The following PCDHA9 variants were observed in gnomAD, a reference collection of about 807,000 sequenced individuals.
The protein encoded by PCDHA9 is protocadherin alpha-9.
In PCDHA9, 62 loss-of-function variants were observed where a neutral mutation model predicts 62.0. The ratio of observed to expected loss-of-function variants is 1.00; its 90% CI spans 0.81 to 1.23. The LOEUF (loss-of-function observed/expected upper bound fraction) is 1.23. Among genes scored for constraint, PCDHA9 ranks in the 50% most tolerant of loss-of-function variants. The pLI is 0.00. For synonymous variants in PCDHA9, 557 were observed against 567.6 expected (o/e 0.98, Z 0.27); for missense variants, 1,205 against 1,249.8 (o/e 0.96, Z 0.54).
intron 1 of PCDHA9, chr5:140,876,689 C>A (rs2056506979): frequency 1.2e-6 from 2 of 1,614,228 alleles, no homozygotes; most frequent in Non-Finnish European, 1.7e-6. Context: ...AATTACTACT[C>A]GTTGGTGCTG....
chr5:140,907,360 T>C (rs1241355980), intron 1 of PCDHA9, among the ~76,000 whole-genome samples: 1 of 152,186 alleles, frequency 6.6e-6, no homozygotes, highest in Admixed American at 6.5e-5. Flanking sequence ...TGCACTTCTT[T>C]AGTCGTAAAG....
intron 1 of PCDHA9, among the ~76,000 whole-genome samples, chr5:140,884,876 C>A (rs1554181909): frequency 6.6e-6 from 1 of 152,096 alleles, no homozygotes; most frequent in African/African-American, 2.4e-5. Context: ...ATGAAATGTG[C>A]AAAACAAGAA....
intron 1 of PCDHA9, chr5:140,860,673 C>A (rs955931174): frequency 1.2e-4 from 18 of 152,210 alleles, no homozygotes; most frequent in African/African-American, 4.3e-4. Context: ...AAATCAAATG[C>A]ACTTATGTTT....
At position 140,858,115 on chromosome 5, in the gene PCDHA9, G is replaced by A. The variant is rs371261838; in HGVS notation, c.2394+7226G>A. 5.0e-6 allele frequency: 8 copies of A among 1,597,696 alleles called. 1 individual carries two copies. Among genetic ancestry groups the A allele is most frequent in the Non-Finnish European group, 6.9e-6 (8 of 1,167,654 alleles). ...CTTCAGTGGGCGTGGCGCCCGAGGT[G>A]GCCCTGGTGGATGTCAACGTGTACC... On this transcript the variant is annotated intron_variant, in intron 1 of 3. Transcript: ENST00000532602.
chr5:141,000,737 G>A (rs1449947824), intron 3 of PCDHA9, among the ~76,000 whole-genome samples: 21 of 149,738 alleles, frequency 1.4e-4, no homozygotes, highest in African/African-American at 5.0e-4. Context: ...CCCTATCTCT[G>A]TATATTAAAA....
chr5:141,009,701 C>G lies in PCDHA9; in HGVS notation c.2617C>G (p.Pro873Ala). The G allele has an allele frequency of 6.2e-7, 1 of 1,614,036 alleles. No homozygotes were observed. Among genetic ancestry groups the G allele is most frequent in the South Asian group, 1.1e-5 (1 of 91,056 alleles). The change falls in exon 4 of 4, where the codon CCA (proline) becomes GCA (alanine). Residue 873 changes from proline to alanine, a missense_variant. Coordinates refer to ENST00000532602, the MANE Select transcript of PCDHA9 (RefSeq NM_031857.2). ...NSNSWTFKYG[P>A]GNPKQSGPGE... ...CAACAGCTGGACCTTTAAATACGGA[C>G]CAGGCAACCCCAAACAATCCGGTCC...
intron 1 of PCDHA9, chr5:140,877,485 G>A (rs1554169791): frequency 6.2e-7 from 1 of 1,613,882 alleles, no homozygotes; most frequent in Admixed American, 1.7e-5. Flanking sequence ...CGCTGGTGGA[G>A]AACGGCCAGG....
intron 1 of PCDHA9, among the ~76,000 whole-genome samples, chr5:140,914,575 A>G (rs2076765762): frequency 2.0e-5 from 3 of 152,018 alleles, no homozygotes; most frequent in African/African-American, 7.2e-5. Context: ...TTTACATTCA[A>G]TAATTTCATT....
chr5:141,003,574 A>C (rs559561339), intron 3 of PCDHA9, among the ~76,000 whole-genome samples: 9 of 151,680 alleles, frequency 5.9e-5, no homozygotes, highest in African/African-American at 2.2e-4. Context: ...CAGACTCCCA[A>C]AGTGCTGGGA....
intron 1 of PCDHA9, chr5:140,859,449 A>T (rs1319113076): frequency 4.5e-6 from 1 of 222,150 alleles, no homozygotes; most frequent in Non-Finnish European, 8.6e-6. Context: ...TTAGTTGCAG[A>T]GTGACAAAAC....
intron 1 of PCDHA9, among the ~76,000 whole-genome samples, chr5:140,932,779 G>T (rs556279743): frequency 3.9e-5 from 6 of 151,910 alleles, no homozygotes; most frequent in Non-Finnish European, 8.9e-5. Context: ...TAATTTGAGT[G>T]GACATAAGAG....
rs148283153 is a variant in PCDHA9, at chr5:140,857,227, G to C, written c.2394+6338G>C. On this transcript the variant is annotated intron_variant, in intron 1 of 3. Transcript: ENST00000532602. ...CCTGCTCTCTGACGCCTCACGTTCCGTTCAAGCTGGTGTCCACCTACAAGA... is the reference window on the plus strand; with the variant it reads ...CCTGCTCTCTGACGCCTCACGTTCCCTTCAAGCTGGTGTCCACCTACAAGA... 3.1e-6 allele frequency: 5 copies of C among 1,598,446 alleles called. 1 individual carries two copies. Among genetic ancestry groups the C allele is most frequent in the South Asian group, 1.1e-5 (1 of 90,546 alleles).
chr5:140,969,343 G>A (rs2096321775), intron 1 of PCDHA9: 23 of 1,613,728 alleles, frequency 1.4e-5, no homozygotes, highest in Non-Finnish European at 1.9e-5. Flanking sequence ...TGAGACAGTG[G>A]TCAGGGGGTC....
rs139165612 is a variant in PCDHA9 at position 140,875,715 on chromosome 5, T to C, written c.2394+24826T>C. On this transcript the variant is annotated intron_variant, in intron 1 of 3. Coordinates refer to ENST00000532602, the MANE Select transcript of PCDHA9 (RefSeq NM_031857.2). Reference sequence around the variant, plus strand: ...ACCTTCTGGAGGTAAATCTGCAGAATGGCATTTTGTTTGTGAATTCTCGGA... The same window carrying C: ...ACCTTCTGGAGGTAAATCTGCAGAACGGCATTTTGTTTGTGAATTCTCGGA... 205 of 1,614,134 alleles carry C rather than the reference T, an allele frequency of 1.3e-4. 1 individual carries two copies. The African/African-American group carries it at 2.2e-3, about 17-fold the overall frequency.
At chr5:140,884,307 C>G (rs144612735) in intron 1 of PCDHA9, 1 of 1,613,724 alleles carries the variant, frequency 6.2e-7, no homozygotes. Context: ...CAGGCTTCGT[C>G]GAGGGCGTCG....
chr5:140,852,889 T>G lies in PCDHA9; in HGVS notation c.2394+2000T>G. On this transcript the variant is annotated intron_variant, in intron 1 of 3. Transcript: ENST00000532602. ...TCATCAATAATCATAAAACGTATTT[T>G]TTTTTTTGAGTCAGAGTCTCGCTCT... is the stretch of plus-strand genomic sequence containing the variant. The G allele has an allele frequency of 2.2e-6, 2 of 920,480 alleles. 1 individual carries two copies. The highest frequency in any genetic ancestry group is 2.6e-6 in the Non-Finnish European group (2 of 757,628). The allele number at this position is 920,480 out of a possible 1,614,324, so 57.0% of individuals were successfully genotyped here.
In PCDHA9 at chr5:140,849,922, C is replaced by T. The variant is rs140735832; in HGVS notation, c.1427C>T (p.Thr476Met). 4.3e-5 allele frequency: 69 copies of T among 1,598,214 alleles called. 4 individuals carry two copies. Among genetic ancestry groups the T allele is most frequent in the Middle Eastern group, 1.7e-4 (1 of 5,782 alleles). Residue 476 changes from threonine (T) to methionine (M), a missense_variant, in exon 1 of 4, where the codon ACG (threonine) becomes ATG (methionine). Around this residue, in one of 3 missense-constraint regions of PCDHA9, gnomAD observed 887 missense variants for 809.5 expected, o/e 1.10. Transcript: ENST00000532602. The stretch of plus-strand genomic sequence containing the variant: ...AACCCGCCGGGCTGCCACATCTTCA[C>T]GGTGTCTGCGCGGGACGCTGACGCG... ...ENNPPGCHIF[T>M]VSARDADAQE...
At chr5:140,965,561 A>T (rs2095912417) in intron 1 of PCDHA9, among the ~76,000 whole-genome samples, 1 of 152,114 alleles carries the variant, frequency 6.6e-6, no homozygotes, top group Admixed American at 6.5e-5. Context: ...TTAGGAGATC[A>T]ACAGTAACGC....
chr5:140,998,003 T>C (rs2097793100), intron 3 of PCDHA9, among the ~76,000 whole-genome samples: 1 of 152,134 alleles, frequency 6.6e-6, no homozygotes, highest in Admixed American at 6.6e-5. Context: ...CCTCTGAGCC[T>C]TCCATCCCCA....
Sources: allele counts gnomAD v4.1 joint callset (sites outside exome capture counted in the v4.1 genomes callset), GRCh38; gene constraint gnomAD v4.1.1; regional missense constraint gnomAD v4.1.1; transcripts MANE v1.5; gene names NCBI Gene and HGNC (gene_info 2026-07-23, HGNC 2026-07-21).